POLN: variants seen among roughly 807,000 people sequenced by gnomAD.
The protein encoded by POLN is DNA polymerase N.
A neutral mutation model predicts 113.5 loss-of-function variants in POLN; 108 were observed. The observed-to-expected ratio is 0.95, with a 90% CI of 0.81 to 1.12. The LOEUF (loss-of-function observed/expected upper bound fraction) is 1.12, where lower values mean the gene tolerates loss of function less well. Among genes scored for constraint, POLN ranks in the 50% most tolerant of loss-of-function variants. The pLI is 0.00. For synonymous variants in POLN, 386 were observed against 391.5 expected (o/e 0.99, Z 0.17); for missense variants, 1,097 against 1,077.1 (o/e 1.02, Z -0.26).
rs1286574568 is a variant in POLN at position 2,093,047 on chromosome 4, T to C, written c.2065+2804A>G. 6.6e-6 allele frequency among the ~76,000 whole-genome samples: 1 copy of C among 151,998 alleles called. No individual in the cohort carries two copies. The highest frequency in any genetic ancestry group is 1.5e-5 in the Non-Finnish European group (1 of 68,018). ...AGCCAAATTACCCTTTTCAACATTA[T>C]GGCTAATGACTCAGTGCTTATTTAC... On this transcript the variant is annotated intron_variant, in intron 20 of 25. Coordinates refer to ENST00000511885, the MANE Select transcript of POLN (RefSeq NM_181808.4). The surrounding 1 kb of genome is among the most constrained non-coding windows in gnomAD (Gnocchi z 4.1).
At chr4:2,168,295 C>A (rs1008819487) in intron 13 of POLN, among the ~76,000 whole-genome samples, 3 of 152,020 alleles carry the variant, frequency 2.0e-5, no homozygotes, top group Non-Finnish European at 4.4e-5. Context: ...AGGGGACAGG[C>A]GCTGGGGTGA....
intron 16 of POLN, among the ~76,000 whole-genome samples, chr4:2,138,876 A>G (rs1349719157): frequency 6.6e-6 from 1 of 151,972 alleles, no homozygotes. Context: ...CCTGGGCAAC[A>G]GAGTGAGACT....
chr4:2,073,135 C>T (rs1730192799), intron 24 of POLN, 106 bp from the exon 25 acceptor site: 4 of 1,097,988 alleles, frequency 3.6e-6, no homozygotes, highest in Non-Finnish European at 5.4e-6. Flanking sequence ...GGCCCCTGAG[C>T]CCCCTTGTTT....
intron 16 of POLN, among the ~76,000 whole-genome samples, chr4:2,134,552 T>C (rs181258588): frequency 3.9e-5 from 6 of 152,354 alleles, no homozygotes; most frequent in Admixed American, 3.3e-4. Context: ...TTTTTGATCT[T>C]AGTCGTTCTA....
chr4:2,080,054 G>A (rs1730367193), intron 23 of POLN: 3 of 985,300 alleles, frequency 3.0e-6, no homozygotes, highest in South Asian at 4.7e-5. Flanking sequence ...GGGTGGGGGT[G>A]GGAAAACGTC....
chr4:2,241,227 T>A (rs1048323067), intron 2 of POLN: 4 of 329,846 alleles, frequency 1.2e-5, no homozygotes, highest in African/African-American at 2.2e-5. Flanking sequence ...TGTTTGATGA[T>A]GATAAAGAGA....
At chr4:2,163,493 C>T (rs419193) in intron 13 of POLN, among the ~76,000 whole-genome samples, 113,204 of 152,222 alleles carry the variant, frequency 0.74, 45,085 homozygotes, top group Non-Finnish European at 0.89. Flanking sequence ...CATGGCTCCG[C>T]GGGCTCACCC....
chr4:2,209,298 G>A lies in POLN; in HGVS notation c.214-811C>T, dbSNP rs375745775. ...AGTTCGAGACCATCCTGACCAACAT[G>A]GAGAAACCTCGTCTCTACTAAGAAT... On this transcript the variant is annotated intron_variant, in intron 4 of 25. Transcript: ENST00000511885. 2.6e-5 allele frequency among the ~76,000 whole-genome samples: 4 copies of A among 151,756 alleles called. No individual in the cohort carries two copies. The East Asian group carries it at 5.8e-4, about 22-fold the overall frequency.
At chr4:2,176,740 G>A (rs891428854) in intron 8 of POLN, among the ~76,000 whole-genome samples, 2 of 152,156 alleles carry the variant, frequency 1.3e-5, no homozygotes, top group Non-Finnish European at 2.9e-5. Context: ...ACGCACAGCT[G>A]CTGCCACGTT....
At chr4:2,140,396 C>G (rs1473147297) in intron 16 of POLN, among the ~76,000 whole-genome samples, 3 of 152,106 alleles carry the variant, frequency 2.0e-5, no homozygotes, top group Non-Finnish European at 4.4e-5. Context: ...TAAATTGATG[C>G]ATGGAATAGG....
chr4:2,227,001 G>A (rs1400567026), intron 3 of POLN, among the ~76,000 whole-genome samples: 1 of 152,176 alleles, frequency 6.6e-6, no homozygotes, highest in Non-Finnish European at 1.5e-5. Context: ...AGAATCTGTG[G>A]TGGAAAGACT....
intron 6 of POLN, among the ~76,000 whole-genome samples, chr4:2,194,516 T>C (rs1733528672): frequency 6.6e-6 from 1 of 152,136 alleles, no homozygotes; most frequent in Non-Finnish European, 1.5e-5. Flanking sequence ...TTGGCTTGGC[T>C]GGACCGGTGA....
intron 9 of POLN, among the ~76,000 whole-genome samples, chr4:2,175,161 C>T (rs931074116): frequency 6.6e-6 from 1 of 152,074 alleles, no homozygotes; most frequent in African/African-American, 2.4e-5. Flanking sequence ...ATTAAGGTGA[C>T]CCCTATCATG....
chr4:2,096,730 G>GAGAC (rs1361778474), intron 19 of POLN, among the ~76,000 whole-genome samples: 147 of 145,644 alleles, frequency 1.0e-3, no homozygotes, highest in Admixed American at 3.3e-3. Flanking sequence ...GAGAGAGAGA[G>GAGAC]ACACACAGAG....
At chr4:2,198,799 GA>G in intron 5 of POLN, 82 bp from the exon 6 acceptor site, 1 of 1,339,300 alleles carries the variant, frequency 7.5e-7, no homozygotes, top group Non-Finnish European at 1.0e-6. Flanking sequence ...TAAGCAGAGA[GA>G]AAGAGAAAAG....
At chr4:2,099,972 A>C (rs1429264795) in intron 19 of POLN, among the ~76,000 whole-genome samples, 1 of 151,470 alleles carries the variant, frequency 6.6e-6, no homozygotes, top group African/African-American at 2.4e-5. Flanking sequence ...TGGTGGGCTG[A>C]GGCAGGAGGA....
At chr4:2,072,336 GCCAGCCACCC>G (rs769922651) in intron 25 of POLN, 37 bp from the exon 26 acceptor site, 52 of 1,477,770 alleles carry the variant, frequency 3.5e-5, no homozygotes, top group Middle Eastern at 2.4e-4. Context: ...CCACGCCTGG[GCCAGCCACCC>G]CCAGCCACCT....
intron 19 of POLN, among the ~76,000 whole-genome samples, chr4:2,115,226 A>ATTTT (rs1296030446): frequency 1.7e-4 from 18 of 107,600 alleles, no homozygotes; most frequent in African/African-American, 6.0e-4. Context: ...ATATATATAT[A>ATTTT]TATTTTTTTT....
intron 19 of POLN, among the ~76,000 whole-genome samples, chr4:2,114,781 A>G (rs904417777): frequency 6.6e-6 from 1 of 152,108 alleles, no homozygotes. Flanking sequence ...GACATCTTTA[A>G]TCAATTTTGG....
Sources: gnomAD v4.1 joint callset for allele counts (sites outside exome capture counted in the v4.1 genomes callset) on GRCh38, gnomAD v4.1.1 for gene constraint, Gnocchi (gnomAD v3.1) non-coding constraint, MANE v1.5 for transcripts, NCBI Gene and HGNC (gene_info 2026-07-23, HGNC 2026-07-21) for gene names.